Variants in MNT observed in about 807,000 individuals in gnomAD.
MNT encodes MAX network transcriptional repressor.
A neutral mutation model predicts 40.7 loss-of-function variants in MNT; 13 were observed. The ratio of observed to expected loss-of-function variants is 0.32; its 90% CI spans 0.21 to 0.51. The LOEUF (loss-of-function observed/expected upper bound fraction) is 0.51. Ranked by LOEUF, MNT falls within the 20% of genes least tolerant of loss-of-function variation. MNT has a pLI of 0.98. For missense variants in MNT, 757 were observed against 792.0 expected (o/e 0.96, Z 0.53); for synonymous variants, 426 against 354.8 (o/e 1.20, Z -2.26).
rs35367394 is a variant in MNT, at chr17:2,394,277, GCACACACACACACA to G, written c.695+14_695+27del. 1.9e-5 allele frequency: 29 copies of G among 1,489,246 alleles called. No homozygotes were observed. In the East Asian group the frequency reaches 3.4e-4, roughly 17 times the overall value. The allele number at this position is 1,489,246 out of a possible 1,614,324, so 92.3% of individuals were successfully genotyped here. ...CCGGGTCGCGCGCGCACGCACGCAC[GCACACACACACACA>G]CACACACACACACCTGTTCTTCTCC... On this transcript the variant is annotated intron_variant, in intron 3 of 5. Transcript: ENST00000174618.
At chr17:2,399,655 C>A (rs2066601397) in intron 1 of MNT, among the ~76,000 whole-genome samples, 2 of 152,056 alleles carry the variant, frequency 1.3e-5, no homozygotes, top group Non-Finnish European at 2.9e-5. Flanking sequence ...CCCGCCCAGG[C>A]CCCGCCCCCG....
Position 2,387,256 on chromosome 17 carries a change from T to C in MNT, c.1394A>G (p.Lys465Arg), listed in dbSNP as rs772919975. 1.9e-6 allele frequency: 3 copies of C among 1,612,902 alleles called. No individual in the cohort carries two copies. Among genetic ancestry groups the C allele is most frequent in the Non-Finnish European group, 2.5e-6 (3 of 1,179,596 alleles). Residue 465 changes from lysine (K) to arginine (R), a missense_variant, in exon 6 of 6, where the codon AAG becomes AGG. This residue lies in a region of MNT where 345 missense variants were observed against 380.1 expected (regional missense o/e 0.91). Transcript: ENST00000174618. ...VNHVLQGPGGKHIAHIAPSAP... is the reference protein window; with the variant it reads ...VNHVLQGPGGRHIAHIAPSAP... The stretch of plus-strand genomic sequence containing the variant: ...CGAGGGGGCGATGTGGGCGATGTGC[T>C]TGCCGCCTGGCCCCTGCAGAACGTG...
intron 1 of MNT, among the ~76,000 whole-genome samples, chr17:2,395,866 C>A (rs909600232): frequency 4.6e-5 from 7 of 151,902 alleles, no homozygotes; most frequent in Admixed American, 6.5e-5. Context: ...GAGAGGCGGG[C>A]AGAGGCCCAG....
intron 2 of MNT, 125 bp downstream of exon 2, chr17:2,394,750 G>C (rs927010883): frequency 1.5e-6 from 1 of 683,422 alleles, no homozygotes; most frequent in Non-Finnish European, 2.5e-6. Context: ...CATGGGCACA[G>C]TGATGACGTG....
In MNT at chr17:2,386,984, G is replaced by T; in HGVS notation, c.1666C>A (p.Gln556Lys). Reference protein sequence around the residue: ...AVGAQVVHHPQLVGQTVLNPV... With the variant: ...AVGAQVVHHPKLVGQTVLNPV... The stretch of plus-strand genomic sequence containing the variant: ...TTGAGCACGGTCTGGCCCACCAGCT[G>T]GGGGTGGTGCACCACCTGAGCCCCC... Residue 556 changes from glutamine (Q) to lysine (K), a missense_variant, in exon 6 of 6, where the codon CAG becomes AAG. Gln to Lys is a moderately conservative substitution (Grantham distance 53). Around this residue, in one of 4 missense-constraint regions of MNT, gnomAD observed 345 missense variants for 380.1 expected, o/e 0.91. Transcript: ENST00000174618. The T allele has an allele frequency of 6.6e-7, 1 of 1,526,172 alleles. No individual in the cohort carries two copies. Among genetic ancestry groups the T allele is most frequent in the East Asian group, 2.4e-5 (1 of 42,360 alleles). The allele number at this position is 1,526,172 out of a possible 1,614,324, so 94.5% of individuals were successfully genotyped here.
In MNT at chr17:2,387,035, C is replaced by T. The variant is rs757551095; in HGVS notation, c.1615G>A (p.Ala539Thr). ...VNGTAGLGPP[A>T]TVMAKPAVGA... ...ACGGCCGGCTTTGCCATGACAGTAG[C>T]CGGGGGCCCCAGGCCGGCCGTGCCG... The change falls in exon 6 of 6, where the codon GCT becomes ACT. Residue 539 changes from alanine to threonine, a missense_variant. Ala to Thr is a moderately conservative substitution (Grantham distance 58). Transcript: ENST00000174618. The T allele has an allele frequency of 6.4e-7, 1 of 1,551,624 alleles. No homozygotes were observed. Among genetic ancestry groups the T allele is most frequent in the South Asian group, 1.2e-5 (1 of 83,690 alleles).
At chr17:2,397,660 T>G (rs953447650) in intron 1 of MNT, among the ~76,000 whole-genome samples, 2 of 152,112 alleles carry the variant, frequency 1.3e-5, no homozygotes, top group African/African-American at 4.8e-5. Context: ...CAGTTACACC[T>G]GGAGCAGCAT....
chr17:2,399,411 A>AG (rs1489195922), intron 1 of MNT, among the ~76,000 whole-genome samples: 1 of 152,114 alleles, frequency 6.6e-6, no homozygotes, highest in Admixed American at 6.5e-5. Context: ...GGCTGATGCC[A>AG]GGGGGCATAG....
At chr17:2,394,448 C>A in intron 2 of MNT, 102 bp from the exon 3 acceptor site, 2 of 1,547,202 alleles carry the variant, frequency 1.3e-6, no homozygotes, top group South Asian at 1.2e-5. Flanking sequence ...TGTTTGTCCC[C>A]AACACTGTCT....
At chr17:2,392,460 A>C (rs1033695104) in intron 4 of MNT, among the ~76,000 whole-genome samples, 5 of 152,210 alleles carry the variant, frequency 3.3e-5, no homozygotes, top group African/African-American at 1.2e-4. Context: ...CTCTGCAAGT[A>C]GTATCTGCAA....
chr17:2,384,599 T>TGTGTGC lies in MNT; in HGVS notation c.*2301_*2302insGCACAC, dbSNP rs1555610478. 5 of 146,182 alleles carry TGTGTGC rather than the reference T, an allele frequency of 3.4e-5. No individual in the cohort carries two copies. Among genetic ancestry groups the TGTGTGC allele is most frequent in the African/African-American group, 1.0e-4 (4 of 39,178 alleles). 9.1% of individuals were successfully genotyped at this position (146,182 alleles called of 1,614,324 possible). A position where few individuals can be genotyped will look rare whatever the true frequency, so the allele number is the denominator to read the frequency against. ...GGTAAGATGTGTGCGTGTGCGTGCG[T>TGTGTGC]GTGTGTGTGTGTGTGTGTGTGTGTG... On this transcript the variant is annotated 3_prime_UTR_variant, in exon 6 of 6. Transcript: ENST00000174618.
At chr17:2,387,727 C>A (rs1342428840) in intron 5 of MNT, 78 bp from the exon 6 acceptor site, 29 of 1,574,046 alleles carry the variant, frequency 1.8e-5, no homozygotes, top group Non-Finnish European at 2.4e-5. Flanking sequence ...CTCGTGGGGG[C>A]GTGGGAATGT....
At position 2,387,369 on chromosome 17, in the gene MNT, T is replaced by G; in HGVS notation, c.1281A>C (p.Pro427=). ...AAPAQTLVPA[P]AHLVATAGGG... is the part of the protein sequence containing the mutation. The stretch of plus-strand genomic sequence containing the variant: ...CCCCAGCCGTCGCCACCAGATGGGC[T>G]GGAGCTGGCACCAGTGTCTGGGCAG... Residue 427 remains proline (P), a synonymous_variant, in exon 6 of 6, where the codon CCA becomes CCC. Coordinates refer to ENST00000174618, the MANE Select transcript of MNT (RefSeq NM_020310.3). 6.2e-7 allele frequency: 1 copy of G among 1,612,240 alleles called. No individual in the cohort carries two copies. Among genetic ancestry groups the G allele is most frequent in the Non-Finnish European group, 8.5e-7 (1 of 1,179,392 alleles).
chr17:2,398,472 C>T (rs1303661753), intron 1 of MNT, among the ~76,000 whole-genome samples: 1 of 152,242 alleles, frequency 6.6e-6, no homozygotes, highest in African/African-American at 2.4e-5. Context: ...ACCTGCCATG[C>T]CCTTCCTTCC....
At position 2,394,273 on chromosome 17, in the gene MNT, G is replaced by GCGCACACACACA. The variant is rs1555611866; in HGVS notation, c.695+31_695+32insTGTGTGTGTGCG. 9 of 1,352,000 alleles carry GCGCACACACACA rather than the reference G, an allele frequency of 6.7e-6. No homozygotes were observed. The East Asian group carries it at 7.7e-5, about 12-fold the overall frequency. 83.8% of individuals were successfully genotyped at this position (1,352,000 alleles called of 1,614,324 possible). On this transcript the variant is annotated intron_variant, in intron 3 of 5. Coordinates refer to ENST00000174618, the MANE Select transcript of MNT (RefSeq NM_020310.3). ...GGGCCCGGGTCGCGCGCGCACGCAC[G>GCGCACACACACA]CACGCACACACACACACACACACAC...
Position 2,400,690 on chromosome 17 carries a change from T to C in MNT, c.23A>G (p.Glu8Gly). Residue 8 changes from glutamate to glycine, a missense_variant, in exon 1 of 6, where the codon GAG becomes GGG. Coordinates refer to ENST00000174618, the MANE Select transcript of MNT (RefSeq NM_020310.3). ...TTGCCATTCCAGGAAGCGGGCCGCCTCCAGTAGCGTCTCTATGCTCATCGC... is the reference window on the plus strand; with the variant it reads ...TTGCCATTCCAGGAAGCGGGCCGCCCCCAGTAGCGTCTCTATGCTCATCGC... MSIETLL[E>G]AARFLEWQAQ... The C allele has an allele frequency of 6.3e-7, 1 of 1,586,794 alleles. No homozygotes were observed. The highest frequency in any genetic ancestry group is 1.7e-5 in the Admixed American group (1 of 57,294).
chr17:2,400,439 A>C, intron 1 of MNT: 1 of 486,162 alleles, frequency 2.1e-6, no homozygotes. Flanking sequence ...GGTCCCTCGC[A>C]GCATGTTAAT....
Position 2,387,084 on chromosome 17 carries a change from G to T in MNT, c.1566C>A (p.His522Gln). 3.2e-6 allele frequency: 5 copies of T among 1,572,050 alleles called. No individual in the cohort carries two copies. Among genetic ancestry groups the T allele is most frequent in the Non-Finnish European group, 4.3e-6 (5 of 1,159,014 alleles). ...CGTTGACTTGCTGGTGCGAGAGGGT[G>T]TGGGCGATGTGGCTCACTGCCACGG... is the stretch of plus-strand genomic sequence containing the variant. ...PQPVAVSHIAHTLSHQQVNGT... is the reference protein window; with the variant it reads ...PQPVAVSHIAQTLSHQQVNGT... The change falls in exon 6 of 6, where the codon CAC (histidine) becomes CAA (glutamine). Residue 522 changes from histidine (H) to glutamine (Q), a missense_variant. By Grantham distance (24) the His-to-Gln change is conservative. Transcript: ENST00000174618.
chr17:2,388,506 G>A (rs1257885864), intron 4 of MNT, among the ~76,000 whole-genome samples: 8 of 151,812 alleles, frequency 5.3e-5, no homozygotes, highest in South Asian at 4.2e-4. Context: ...ACACGCCCTC[G>A]CCCCATCTCA....
Sources: gnomAD v4.1 joint callset for allele counts (sites outside exome capture counted in the v4.1 genomes callset) on GRCh38, gnomAD v4.1.1 for gene constraint, gnomAD v4.1.1 regional missense constraint, MANE v1.5 for transcripts, NCBI Gene and HGNC (gene_info 2026-07-23, HGNC 2026-07-21) for gene names.